Variants in NBEA observed in about 807,000 individuals in gnomAD.
The protein encoded by NBEA is neurobeachin, also known as lysosomal-trafficking regulator 2.
In NBEA, 44 loss-of-function variants were observed where a neutral mutation model predicts 343.4. That is an observed-to-expected ratio of 0.13 (90% CI 0.10 to 0.16). The LOEUF is 0.16. NBEA is among the 10% of genes least tolerant of loss of function. NBEA has a pLI of 1.00. For missense variants in NBEA, 2,555 were observed against 3,631.3 expected (o/e 0.70, Z 7.62); for synonymous variants, 1,175 against 1,238.7 (o/e 0.95, Z 1.08).
At chr13:35,513,301 AAT>A (rs1491519194) in intron 41 of NBEA, among the ~76,000 whole-genome samples, 3,158 of 117,222 alleles carry the variant, frequency 0.027, 255 homozygotes, top group African/African-American at 0.11. Context: ...CACACCTGGC[AAT>A]TTTTTTTTTT....
intron 38 of NBEA, among the ~76,000 whole-genome samples, chr13:35,356,779 C>T (rs115027674): frequency 2.1e-3 from 327 of 152,234 alleles, no homozygotes; most frequent in African/African-American, 7.6e-3. Context: ...CACAGCCACC[C>T]TGGCCTCTGT....
At chr13:35,084,629 A>T (rs1023051648) in intron 10 of NBEA, among the ~76,000 whole-genome samples, 31 of 152,206 alleles carry the variant, frequency 2.0e-4, no homozygotes, top group Admixed American at 2.0e-3. Flanking sequence ...AAGAGTAAGC[A>T]GGAAAGATCT....
chr13:35,187,687 T>C (rs2071818932), intron 30 of NBEA, among the ~76,000 whole-genome samples: 1 of 152,064 alleles, frequency 6.6e-6, no homozygotes, highest in Non-Finnish European at 1.5e-5. Flanking sequence ...ACAGTTTTGC[T>C]GCCTATTTCA....
At chr13:35,267,841 A>G (rs936250150) in intron 34 of NBEA, among the ~76,000 whole-genome samples, 3 of 146,286 alleles carry the variant, frequency 2.1e-5, no homozygotes, top group African/African-American at 5.5e-5. Flanking sequence ...AAAAAAAAAA[A>G]GAAGAAGAAA....
At chr13:35,353,964 G>C (rs1158359155) in intron 38 of NBEA, among the ~76,000 whole-genome samples, 2 of 152,152 alleles carry the variant, frequency 1.3e-5, no homozygotes, top group Non-Finnish European at 2.9e-5. Flanking sequence ...CAAGATTTCT[G>C]TGTTACAGTC....
intron 7 of NBEA, 134 bp downstream of exon 7, chr13:35,056,263 C>A (rs574683814): frequency 1.2e-6 from 1 of 822,254 alleles, no homozygotes; most frequent in Non-Finnish European, 1.6e-6. Flanking sequence ...TTAAATAAAT[C>A]TTTCATTGTT....
At chr13:35,149,242 A>G (rs1298096226) in intron 18 of NBEA, among the ~76,000 whole-genome samples, 2 of 152,192 alleles carry the variant, frequency 1.3e-5, no homozygotes, top group Non-Finnish European at 2.9e-5. Flanking sequence ...CCCTATGCAG[A>G]GTATAATGAG....
At chr13:35,473,999 G>A (rs1415659587) in intron 41 of NBEA, among the ~76,000 whole-genome samples, 1 of 152,088 alleles carries the variant, frequency 6.6e-6, no homozygotes, top group African/African-American at 2.4e-5. Flanking sequence ...TTGTAGAAAG[G>A]AATTGTCTTA....
At chr13:35,355,741 T>C (rs1334736353) in intron 38 of NBEA, among the ~76,000 whole-genome samples, 3 of 152,070 alleles carry the variant, frequency 2.0e-5, no homozygotes, top group Non-Finnish European at 2.9e-5. Flanking sequence ...TCATGTTTGC[T>C]CTGTTTAGAA....
chr13:35,350,242 G>T (rs1034514163), intron 37 of NBEA, among the ~76,000 whole-genome samples: 1 of 152,140 alleles, frequency 6.6e-6, no homozygotes, highest in East Asian at 1.9e-4. Flanking sequence ...AGATTTTCAA[G>T]TGGCTAGATA....
At chr13:35,197,895 A>C (rs2072737690) in intron 31 of NBEA, among the ~76,000 whole-genome samples, 1 of 152,192 alleles carries the variant, frequency 6.6e-6, no homozygotes, top group South Asian at 2.1e-4. Context: ...GTTGTGGAAA[A>C]TGTTAAGTGG....
At chr13:35,113,586 C>CATCCATCTATCTATCTATCT (rs1555307443) in intron 13 of NBEA, among the ~76,000 whole-genome samples, 8 of 146,694 alleles carry the variant, frequency 5.5e-5, no homozygotes, top group African/African-American at 1.5e-4. Flanking sequence ...CTCCTCCACT[C>CATCCATCTATCTATCTATCT]ATCTATCTAT....
At chr13:35,075,545 A>T (rs7993124) in intron 10 of NBEA, among the ~76,000 whole-genome samples, 6,519 of 152,176 alleles carry the variant, frequency 0.043, 248 homozygotes, top group African/African-American at 0.097. Flanking sequence ...GAATGTAAGA[A>T]ATAAAAGTGT....
chr13:35,560,707 G>A (rs991029844), intron 44 of NBEA, among the ~76,000 whole-genome samples: 2 of 152,144 alleles, frequency 1.3e-5, no homozygotes, highest in African/African-American at 2.4e-5. Flanking sequence ...TGAGGCAAGG[G>A]AGCCAGGTCT....
chr13:35,092,188 A>G (rs956299501), intron 10 of NBEA, among the ~76,000 whole-genome samples: 2 of 151,958 alleles, frequency 1.3e-5, no homozygotes, highest in Admixed American at 1.3e-4. Context: ...TGCCAAACAA[A>G]TGTGCTTTGA....
At chr13:35,630,757 GC>G (rs994880570) in intron 49 of NBEA, among the ~76,000 whole-genome samples, 231 of 152,106 alleles carry the variant, frequency 1.5e-3, no homozygotes, top group African/African-American at 5.3e-3. Context: ...CCTTCCCCCA[GC>G]CCCCAGAGGC....
At chr13:35,409,851 A>G (rs1055939979) in intron 38 of NBEA, among the ~76,000 whole-genome samples, 1 of 152,050 alleles carries the variant, frequency 6.6e-6, no homozygotes, top group Admixed American at 6.6e-5. Flanking sequence ...TTTTAGACAA[A>G]ATGTTACTTT....
At chr13:34,982,177 T>C (rs528879019) in intron 1 of NBEA, among the ~76,000 whole-genome samples, 7 of 152,196 alleles carry the variant, frequency 4.6e-5, no homozygotes, top group Non-Finnish European at 1.0e-4. Flanking sequence ...GCTTTTTCTT[T>C]TCTAACACTG....
chr13:35,600,613 A>G (rs2082003881), intron 47 of NBEA, among the ~76,000 whole-genome samples: 1 of 152,188 alleles, frequency 6.6e-6, no homozygotes, highest in Non-Finnish European at 1.5e-5. Context: ...ATTGTTTTAT[A>G]AACATTATTT....
Sources: allele counts gnomAD v4.1 joint callset (sites outside exome capture counted in the v4.1 genomes callset), GRCh38; gene constraint gnomAD v4.1.1; transcripts MANE v1.5; gene names NCBI Gene and HGNC (gene_info 2026-07-23, HGNC 2026-07-21).